SOX6: variants seen among roughly 807,000 people sequenced by gnomAD.
The protein encoded by SOX6 is SRY-box transcription factor 6, also known as transcription factor SOX-6.
In SOX6, 11 loss-of-function variants were observed where a neutral mutation model predicts 97.8. The observed-to-expected ratio is 0.11, with a 90% confidence interval of 0.07 to 0.19. SOX6 has a LOEUF of 0.19. Ranked by LOEUF, SOX6 falls within the 10% of genes least tolerant of loss-of-function variation. SOX6 has a pLI of 1.00. For synonymous variants in SOX6, 360 were observed against 371.4 expected, an observed-to-expected ratio of 0.97 and a Z score of 0.35; for missense variants, 810 against 1,039.5, an observed-to-expected ratio of 0.78 and a Z score of 3.04.
chr11:16,527,155 C>G (rs1729620416), intron 4 of SOX6, among the ~76,000 whole-genome samples: 1 of 151,602 alleles, frequency 6.6e-6, no homozygotes, highest in African/African-American at 2.4e-5. Flanking sequence ...ATAAAAATTC[C>G]TAGAGCACTG....
intron 3 of SOX6, among the ~76,000 whole-genome samples, chr11:16,624,184 T>TTTTA (rs142553542): frequency 0.27 from 40,169 of 147,120 alleles, 6,219 homozygotes; most frequent in East Asian, 0.53. Context: ...TATTTTTTTA[T>TTTTA]TTTATTTATT....
At chr11:16,120,470 G>A (rs1849461176) in intron 6 of SOX6, among the ~76,000 whole-genome samples, 1 of 151,364 alleles carries the variant, frequency 6.6e-6, no homozygotes, top group African/African-American at 2.4e-5. Context: ...AACTCAAGAT[G>A]TTATAGTTTA....
chr11:16,186,128 T>C (rs563422072), intron 5 of SOX6, among the ~76,000 whole-genome samples: 14 of 152,304 alleles, frequency 9.2e-5, no homozygotes, highest in African/African-American at 3.4e-4. Flanking sequence ...CTATTTTTTC[T>C]TCATTCTCAA....
chr11:16,101,139 C>A (rs1204021479), intron 7 of SOX6, among the ~76,000 whole-genome samples: 2 of 151,614 alleles, frequency 1.3e-5, no homozygotes, highest in Non-Finnish European at 3.0e-5. Context: ...ATATTTGAAT[C>A]ACAACCACTG....
chr11:16,147,634 T>A (rs1850346055), intron 6 of SOX6, among the ~76,000 whole-genome samples: 1 of 152,208 alleles, frequency 6.6e-6, no homozygotes, highest in South Asian at 2.1e-4. Context: ...TCCTTCCCCA[T>A]GTCCTGCTTA....
At chr11:16,400,886 G>A (rs567060404) in intron 1 of SOX6, among the ~76,000 whole-genome samples, 18 of 151,498 alleles carry the variant, frequency 1.2e-4, no homozygotes, top group Admixed American at 1.1e-3. Context: ...CCTCCTTTAT[G>A]ATTAAACATA....
At chr11:16,345,765 G>A (rs942315275) in intron 1 of SOX6, among the ~76,000 whole-genome samples, 18 of 151,836 alleles carry the variant, frequency 1.2e-4, no homozygotes, top group Admixed American at 4.6e-4. Context: ...TTATTTTTAT[G>A]TGTTTAAAGT....
Position 15,972,599 on chromosome 11 carries a change from A to T in SOX6, c.*210T>A. ...ATATGTCTTCACCTAAATTAAAAAAACAACAACAACAACAATAACAATAAC... is the reference window on the plus strand; with the variant it reads ...ATATGTCTTCACCTAAATTAAAAAATCAACAACAACAACAATAACAATAAC... On this transcript the variant is annotated 3_prime_UTR_variant, in exon 16 of 16. Coordinates refer to ENST00000683767, the MANE Select transcript of SOX6 (RefSeq NM_001367873.1). 1.7e-6 allele frequency: 1 copy of T among 587,136 alleles called. No homozygotes were observed. Among genetic ancestry groups the T allele is most frequent in the Non-Finnish European group, 3.0e-6 (1 of 335,252 alleles). 36.4% of individuals were successfully genotyped at this position (587,136 alleles called of 1,614,324 possible).
intron 1 of SOX6, among the ~76,000 whole-genome samples, chr11:16,396,642 A>C (rs1309962967): frequency 6.6e-6 from 1 of 151,572 alleles, no homozygotes; most frequent in African/African-American, 2.4e-5. Context: ...TAGTATATTG[A>C]AATGGCTTCT....
At chr11:16,446,530 AT>A (rs1859615114) in intron 1 of SOX6, among the ~76,000 whole-genome samples, 1 of 152,118 alleles carries the variant, frequency 6.6e-6, no homozygotes, top group Non-Finnish European at 1.5e-5. Flanking sequence ...TTGGTTAGGA[AT>A]TTTAGTGGTC....
chr11:16,310,973 C>T (rs1855584024), intron 3 of SOX6, among the ~76,000 whole-genome samples: 1 of 152,030 alleles, frequency 6.6e-6, no homozygotes, highest in Admixed American at 6.6e-5. Flanking sequence ...ACACATTGCT[C>T]TTAACTGGCT....
intron 1 of SOX6, among the ~76,000 whole-genome samples, chr11:16,417,855 T>C (rs1858954054): frequency 6.6e-6 from 1 of 152,240 alleles, no homozygotes; most frequent in Non-Finnish European, 1.5e-5. Flanking sequence ...GTTTATATAA[T>C]TTTAAAGTGC....
chr11:16,450,747 T>C (rs1859701016), intron 1 of SOX6, among the ~76,000 whole-genome samples: 1 of 152,182 alleles, frequency 6.6e-6, no homozygotes, highest in African/African-American at 2.4e-5. Flanking sequence ...TATATTGATA[T>C]GATGCTTAAA....
At chr11:16,395,066 T>C (rs1249987894) in intron 1 of SOX6, among the ~76,000 whole-genome samples, 2 of 151,918 alleles carry the variant, frequency 1.3e-5, no homozygotes, top group Non-Finnish European at 2.9e-5. Context: ...CAACAGACTC[T>C]ATTTTTATGT....
At chr11:16,527,908 T>C (rs1861191513) in intron 4 of SOX6, among the ~76,000 whole-genome samples, 1 of 152,032 alleles carries the variant, frequency 6.6e-6, no homozygotes, top group Non-Finnish European at 1.5e-5. Flanking sequence ...AACACAAAAA[T>C]TGGTAAAAGA....
At chr11:15,985,581 A>G (rs1429255211) in intron 15 of SOX6, among the ~76,000 whole-genome samples, 2 of 152,220 alleles carry the variant, frequency 1.3e-5, no homozygotes, top group African/African-American at 4.8e-5. Context: ...GTTGAAATTT[A>G]TACCAGAAAT....
At chr11:16,092,761 A>AAAAAC (rs778280572) in intron 9 of SOX6, among the ~76,000 whole-genome samples, 1 of 151,850 alleles carries the variant, frequency 6.6e-6, no homozygotes, top group African/African-American at 2.4e-5. Context: ...ACTCCCCATT[A>AAAAAC]AAAACAAAAC....
chr11:16,393,459 A>G (rs187451456), intron 1 of SOX6, among the ~76,000 whole-genome samples: 64 of 152,156 alleles, frequency 4.2e-4, no homozygotes, highest in East Asian at 4.1e-3. Flanking sequence ...TGACATACAC[A>G]TTGCTCTTCA....
chr11:16,215,020 T>G (rs1480191902), intron 4 of SOX6, among the ~76,000 whole-genome samples: 4 of 152,194 alleles, frequency 2.6e-5, no homozygotes, highest in African/African-American at 9.7e-5. Context: ...AGTGCTGGGA[T>G]TACAGGCGTG....
Sources: allele counts gnomAD v4.1 joint callset (sites outside exome capture counted in the v4.1 genomes callset), GRCh38; gene constraint gnomAD v4.1.1; transcripts MANE v1.5; gene names NCBI Gene and HGNC (gene_info 2026-07-23, HGNC 2026-07-21).